C12orf56: variants seen among roughly 807,000 people sequenced by gnomAD.
C12orf56 encodes the protein chromosome 12 open reading frame 56, also known as uncharacterized protein C12orf56.
A neutral mutation model predicts 69.9 loss-of-function variants in C12orf56; 71 were observed. The observed-to-expected ratio is 1.02, with a 90% CI of 0.84 to 1.24. The LOEUF (loss-of-function observed/expected upper bound fraction) is 1.24, where lower values mean the gene tolerates loss of function less well. Among genes scored for constraint, C12orf56 ranks in the 50% most tolerant of loss-of-function variants. The pLI is 0.00. For missense variants in C12orf56, 732 were observed against 738.5 expected, an observed-to-expected ratio of 0.99 and a Z score of 0.10; for synonymous variants, 276 against 274.1, an observed-to-expected ratio of 1.01 and a Z score of -0.07.
intron 2 of C12orf56, among the ~76,000 whole-genome samples, chr12:64,333,602 A>G (rs2038958630): frequency 6.6e-6 from 1 of 152,256 alleles, no homozygotes; most frequent in South Asian, 2.1e-4. Flanking sequence ...CCCAGGCAAA[A>G]GCAATCCTCC....
In C12orf56 at chr12:64,286,144, G is replaced by T. The variant is rs576720884; in HGVS notation, c.1114-84C>A. 4.7e-5 allele frequency: 39 copies of T among 836,120 alleles called. No homozygotes were observed. The South Asian group carries it at 7.1e-4, about 15-fold the overall frequency. 51.8% of individuals were successfully genotyped at this position (836,120 alleles called of 1,614,324 possible). A position where few individuals can be genotyped will look rare whatever the true frequency, so the allele number is the denominator to read the frequency against. On this transcript the variant is annotated intron_variant, in intron 6 of 12. Coordinates refer to ENST00000543942, the MANE Select transcript of C12orf56 (RefSeq NM_001170633.2). ...TACTCTCATGTACTAAAAATATGAA[G>T]AAATAATTTGTTCTTTGATTAGAGA...
intron 6 of C12orf56, among the ~76,000 whole-genome samples, chr12:64,295,463 C>T (rs961349305): frequency 1.3e-5 from 2 of 151,968 alleles, no homozygotes; most frequent in African/African-American, 4.8e-5. Context: ...CCAGCCTGGG[C>T]AACATGGTGA....
chr12:64,343,634 A>T (rs1264623439), intron 2 of C12orf56, among the ~76,000 whole-genome samples: 1 of 152,200 alleles, frequency 6.6e-6, no homozygotes, highest in African/African-American at 2.4e-5. Context: ...CCACTTGGTT[A>T]AGCTTACAAT....
In C12orf56 at chr12:64,322,451, C is replaced by T. The variant is rs568388546; in HGVS notation, c.489-3471G>A. Reference sequence around the variant, plus strand: ...TTATGTCTTCTATTTCTTGCTGAGACTTTCTGTCTTTCCATTTGCTTCAAA... The same window carrying T: ...TTATGTCTTCTATTTCTTGCTGAGATTTTCTGTCTTTCCATTTGCTTCAAA... On this transcript the variant is annotated intron_variant, in intron 3 of 12. Transcript: ENST00000543942. 2.0e-5 allele frequency among the ~76,000 whole-genome samples: 3 copies of T among 152,130 alleles called. No individual in the cohort carries two copies. The East Asian group carries it at 5.8e-4, about 29-fold the overall frequency.
intron 1 of C12orf56, among the ~76,000 whole-genome samples, chr12:64,380,284 G>T (rs111794051): frequency 3.0e-4 from 45 of 152,072 alleles, no homozygotes; most frequent in Non-Finnish European, 5.4e-4. Context: ...CCTGAGTAAC[G>T]GCCAGTGTGA....
At chr12:64,342,856 G>T (rs117206136) in intron 2 of C12orf56, among the ~76,000 whole-genome samples, 9 of 152,148 alleles carry the variant, frequency 5.9e-5, no homozygotes, top group Non-Finnish European at 1.3e-4. Context: ...ACCTATGGGG[G>T]CCTCCCAAAG....
intron 1 of C12orf56, among the ~76,000 whole-genome samples, chr12:64,363,539 G>A (rs1458987194): frequency 1.3e-5 from 2 of 152,186 alleles, no homozygotes; most frequent in Admixed American, 1.3e-4. Context: ...TTTGCGAGGA[G>A]GAGGAAGAGG....
At chr12:64,311,291 C>A (rs574319987) in intron 5 of C12orf56, among the ~76,000 whole-genome samples, 1 of 151,346 alleles carries the variant, frequency 6.6e-6, no homozygotes, top group Non-Finnish European at 1.5e-5. Context: ...AAAAATTAGC[C>A]GGGCATGGCT....
chr12:64,285,714 C>T (rs1428323677), intron 7 of C12orf56, among the ~76,000 whole-genome samples: 3 of 152,052 alleles, frequency 2.0e-5, no homozygotes, highest in African/African-American at 4.8e-5. Context: ...CTTGAACCCA[C>T]GAGGCAGAAA....
At chr12:64,304,828 G>T (rs917792583) in intron 5 of C12orf56, among the ~76,000 whole-genome samples, 9 of 152,074 alleles carry the variant, frequency 5.9e-5, no homozygotes, top group Non-Finnish European at 7.4e-5. Context: ...GTTGTGGGGG[G>T]GTTTAAGTAA....
intron 6 of C12orf56, among the ~76,000 whole-genome samples, chr12:64,295,757 T>C (rs1592428395): frequency 6.6e-6 from 1 of 151,368 alleles, no homozygotes; most frequent in South Asian, 2.1e-4. Context: ...GAAAAAAGTA[T>C]GCCTCAATAA....
chr12:64,338,728 T>G, intron 2 of C12orf56: 2 of 1,506,566 alleles, frequency 1.3e-6, no homozygotes, highest in Non-Finnish European at 1.8e-6. Context: ...TCTCATTGGC[T>G]TCTTGTTCAA....
intron 2 of C12orf56, among the ~76,000 whole-genome samples, chr12:64,345,986 T>TAAAG (rs998376051): frequency 6.6e-6 from 1 of 152,178 alleles, no homozygotes; most frequent in African/African-American, 2.4e-5. Flanking sequence ...TCTAAGCATG[T>TAAAG]AAAGCAGTCA....
Position 64,390,621 on chromosome 12 carries a change from C to A in C12orf56, c.-56G>T. On this transcript the variant is annotated 5_prime_UTR_variant, in exon 1 of 13. Coordinates refer to ENST00000543942, the MANE Select transcript of C12orf56 (RefSeq NM_001170633.2). Reference sequence around the variant, plus strand: ...GGACTCGAGGCCCTCAGCTCGCCCTCTCCCCGCCCCCGCGCTGGAACCCGC... The same window carrying A: ...GGACTCGAGGCCCTCAGCTCGCCCTATCCCCGCCCCCGCGCTGGAACCCGC... 7.2e-7 allele frequency: 1 copy of A among 1,395,924 alleles called. No homozygotes were observed. Among genetic ancestry groups the A allele is most frequent in the South Asian group, 1.6e-5 (1 of 63,174 alleles). The allele number at this position is 1,395,924 out of a possible 1,614,324, so 86.5% of individuals were successfully genotyped here. A position where few individuals can be genotyped will look rare whatever the true frequency, so the allele number is the denominator to read the frequency against.
Position 64,356,176 on chromosome 12 carries a change from A to C in C12orf56, c.253-3120T>G, listed in dbSNP as rs1412233042. Among the ~76,000 whole-genome samples the C allele has an allele frequency of 3.7e-3, 554 of 147,792 alleles. 15 individuals carry two copies. Among genetic ancestry groups the C allele is most frequent in the Admixed American group, 0.011 (168 of 14,960 alleles). The stretch of plus-strand genomic sequence containing the variant: ...CAGGAGCAAGACTCCATCTCAAAAA[A>C]AAAAAAAAAAAAAAAAAAAAAAACC... On this transcript the variant is annotated intron_variant, in intron 1 of 12. Coordinates refer to ENST00000543942, the MANE Select transcript of C12orf56 (RefSeq NM_001170633.2).
At chr12:64,317,250 TG>T (rs1168614384) in intron 4 of C12orf56, among the ~76,000 whole-genome samples, 7 of 152,164 alleles carry the variant, frequency 4.6e-5, no homozygotes, top group Non-Finnish European at 1.0e-4. Context: ...TATAAAACCC[TG>T]GCTTCCTAGT....
chr12:64,365,882 ATATAGTGTATATATTATACATTATG>A (rs2039466722), intron 1 of C12orf56, among the ~76,000 whole-genome samples: 2 of 135,708 alleles, frequency 1.5e-5, no homozygotes, highest in African/African-American at 5.5e-5. Context: ...TATACATTAT[ATATAGTGTATATATTATACATTATG>A]TATAGTGTAT....
At chr12:64,299,663 A>T (rs972916479) in intron 6 of C12orf56, among the ~76,000 whole-genome samples, 1 of 152,192 alleles carries the variant, frequency 6.6e-6, no homozygotes, top group African/African-American at 2.4e-5. Flanking sequence ...CTTTTAGCAT[A>T]TTAAGATAAA....
intron 1 of C12orf56, among the ~76,000 whole-genome samples, chr12:64,387,831 C>CA (rs1345115579): frequency 6.6e-6 from 1 of 151,722 alleles, no homozygotes; most frequent in Non-Finnish European, 1.5e-5. Context: ...CAAAACAAAA[C>CA]AAAAAAACAA....
Sources: gnomAD v4.1 joint callset for allele counts (sites outside exome capture counted in the v4.1 genomes callset) on GRCh38, gnomAD v4.1.1 for gene constraint, MANE v1.5 for transcripts, NCBI Gene and HGNC (gene_info 2026-07-23, HGNC 2026-07-21) for gene names.